The following ZNF222 variants were observed in gnomAD, a reference collection of about 807,000 sequenced individuals.
ZNF222 encodes the protein zinc finger protein 222.
ZNF222 carries 8 observed loss-of-function variants against 11.6 expected under a neutral mutation model. That is an observed-to-expected ratio of 0.69 (90% CI 0.41 to 1.25). The LOEUF (loss-of-function observed/expected upper bound fraction) is 1.25. ZNF222 is among the 50% of genes most tolerant of loss of function. ZNF222 has a pLI of 0.01. For missense variants in ZNF222, 483 were observed against 576.1 expected, an observed-to-expected ratio of 0.84 and a Z score of 1.65; for synonymous variants, 171 against 195.6, an observed-to-expected ratio of 0.87 and a Z score of 1.05.
intron 1 of ZNF222, chr19:44,026,087 G>A (rs1231950490): frequency 3.7e-6 from 6 of 1,613,524 alleles, no homozygotes; most frequent in Admixed American, 3.3e-5. Context: ...AAAGCTCTAC[G>A]TGAGTGATCC....
At chr19:44,028,988 C>T (rs1976436897) in intron 3 of ZNF222, among the ~76,000 whole-genome samples, 1 of 152,134 alleles carries the variant, frequency 6.6e-6, no homozygotes, top group Admixed American at 6.5e-5. Flanking sequence ...ACACCAAACG[C>T]AATGCCTACC....
chr19:44,027,886 G>C (rs187478041), intron 3 of ZNF222, among the ~76,000 whole-genome samples: 1 of 152,144 alleles, frequency 6.6e-6, no homozygotes, highest in African/African-American at 2.4e-5. Flanking sequence ...TCCTGCCAAG[G>C]ACATTGTATT....
At chr19:44,031,460 CGTTT>C (rs1312114512) in intron 3 of ZNF222, among the ~76,000 whole-genome samples, 2 of 151,834 alleles carry the variant, frequency 1.3e-5, no homozygotes, top group South Asian at 2.1e-4. Flanking sequence ...TGTTTTTGTT[CGTTT>C]GTTTGTTTCT....
intron 3 of ZNF222, among the ~76,000 whole-genome samples, chr19:44,027,837 A>G (rs1443130310): frequency 6.6e-6 from 1 of 151,878 alleles, no homozygotes; most frequent in Non-Finnish European, 1.5e-5. Flanking sequence ...CCCTTGCTCC[A>G]TCTTTTCCAG....
At position 44,027,405 on chromosome 19, in the gene ZNF222, A is replaced by G. The variant is rs990719846; in HGVS notation, c.177A>G (p.Gln59=). ...NFRNLLSVGH[Q]PFHGDTFHFL... is the part of the protein sequence containing the mutation. ...GACTTTGCCTGTTCACAGGGCATCAACCATTCCATGGAGATACTTTCCACT... is the reference window on the plus strand; with the variant it reads ...GACTTTGCCTGTTCACAGGGCATCAGCCATTCCATGGAGATACTTTCCACT... Residue 59 remains glutamine (Q), a synonymous_variant, in exon 3 of 4, where the codon CAA becomes CAG. Transcript: ENST00000391960. 3 of 1,614,134 alleles carry G rather than the reference A, an allele frequency of 1.9e-6. No individual in the cohort carries two copies. In the East Asian group the frequency reaches 6.7e-5, roughly 36 times the overall value.
At position 44,027,144 on chromosome 19, in the gene ZNF222, CAGTG is replaced by C; in HGVS notation, c.165_168del (p.Val56GlyfsTer13). ...CTTGAGAACTTCAGGAACCTGCTCT[CAGTG>C]GGTGAGGACGGGCACCCCCTGTAAT... On this transcript the variant is annotated frameshift_variant and splice_region_variant, in exon 2 of 4. Transcript: ENST00000391960. LOFTEE classifies it high-confidence loss of function. 6.2e-7 allele frequency: 1 copy of C among 1,614,012 alleles called. No individual in the cohort carries two copies. Among genetic ancestry groups the C allele is most frequent in the South Asian group, 1.1e-5 (1 of 91,062 alleles).
At chr19:44,030,913 C>G (rs901646594) in intron 3 of ZNF222, 1 of 152,114 alleles carries the variant, frequency 6.6e-6, no homozygotes, top group African/African-American at 2.4e-5. Flanking sequence ...CAGTCACAAC[C>G]CTAAATAATA....
chr19:44,031,643 CGGCTAATTTTTGTG>C (rs1270091998), intron 3 of ZNF222, among the ~76,000 whole-genome samples, 160 bp from the exon 4 acceptor site: 7 of 149,460 alleles, frequency 4.7e-5, no homozygotes, highest in Non-Finnish European at 1.0e-4. Flanking sequence ...CCACCACACC[CGGCTAATTTTTGTG>C]TTTTTAGTAG....
chr19:44,031,179 C>T (rs1976494553), intron 3 of ZNF222: 1 of 152,208 alleles, frequency 6.6e-6, no homozygotes, highest in Non-Finnish European at 1.5e-5. Context: ...TTATAACTTA[C>T]CACACAAAAT....
chr19:44,025,494 G>A lies in ZNF222; in HGVS notation c.42+16G>A. 1 of 1,543,728 alleles carries A rather than the reference G, an allele frequency of 6.5e-7. No individual in the cohort carries two copies. The highest frequency in any genetic ancestry group is 8.7e-7 in the Non-Finnish European group (1 of 1,143,394). ...GAGAGCAGAGGTTTGGAGGGGCGCG[G>A]GCGGGGATTGCCGTTCCAGTCAGCT... On this transcript the variant is annotated intron_variant, in intron 1 of 3. Coordinates refer to ENST00000391960, the MANE Select transcript of ZNF222 (RefSeq NM_001129996.2). The surrounding 1 kb of genome is among the most constrained non-coding windows in gnomAD (Gnocchi z 4.6).
chr19:44,032,972 G>A lies in ZNF222; in HGVS notation c.1418G>A (p.Arg473His), dbSNP rs117318348. 3.7e-5 allele frequency: 59 copies of A among 1,575,396 alleles called. No homozygotes were observed. In the East Asian group the frequency reaches 1.1e-3, roughly 30 times the overall value. ...TCCAAATGTGAGGACTGTGGGAAGC[G>A]CTACAAGAGGCGCTTGAATCTGGAT... ...NPSKCEDCGKRYKRRLNLDII... is the reference protein window; with the variant it reads ...NPSKCEDCGKHYKRRLNLDII... The change falls in exon 4 of 4, where the codon CGC (arginine) becomes CAC (histidine). Residue 473 changes from arginine to histidine, a missense_variant. Arg to His is a conservative substitution (Grantham distance 29). Transcript: ENST00000391960.
chr19:44,031,709 C>A, intron 3 of ZNF222, 108 bp from the exon 4 acceptor site: 1 of 1,259,380 alleles, frequency 7.9e-7, no homozygotes, highest in Non-Finnish European at 1.1e-6. Flanking sequence ...TCTCAAACTC[C>A]TGACCTCACA....
In ZNF222 at chr19:44,032,963, G is replaced by C; in HGVS notation, c.1409G>C (p.Cys470Ser). 1 of 1,587,630 alleles carries C rather than the reference G, an allele frequency of 6.3e-7. No homozygotes were observed. ...SGENPSKCED[C>S]GKRYKRRLNL... ...GAAAACCCATCCAAATGTGAGGACT[G>C]TGGGAAGCGCTACAAGAGGCGCTTG... The change falls in exon 4 of 4, where the codon TGT becomes TCT. Residue 470 changes from cysteine (C) to serine (S), a missense_variant. Coordinates refer to ENST00000391960, the MANE Select transcript of ZNF222 (RefSeq NM_001129996.2).
chr19:44,031,728 G>T (rs560060470), intron 3 of ZNF222, 89 bp from the exon 4 acceptor site: 3 of 1,430,162 alleles, frequency 2.1e-6, no homozygotes, highest in Non-Finnish European at 2.9e-6. Context: ...CAGTCCACCC[G>T]CCTCGGCCTC....
rs758377515 is a variant in ZNF222, at chr19:44,032,254, G to A, written c.700G>A (p.Val234Ile). Reference protein sequence around the residue: ...QSSRLQTHQRVHTGEKPFKCE... With the variant: ...QSSRLQTHQRIHTGEKPFKCE... ...CTCACGTCTGCAAACTCATCAAAGA[G>A]TCCACACTGGAGAGAAACCATTCAA... Residue 234 changes from valine to isoleucine, a missense_variant, in exon 4 of 4, where the codon GTC becomes ATC. Coordinates refer to ENST00000391960, the MANE Select transcript of ZNF222 (RefSeq NM_001129996.2). The A allele has an allele frequency of 4.3e-6, 7 of 1,614,086 alleles. No homozygotes were observed. The highest frequency in any genetic ancestry group is 1.1e-5 in the South Asian group (1 of 91,084).
chr19:44,029,191 G>GTTTTTTTTTTTTTTTTTTTT (rs1171435860), intron 3 of ZNF222, among the ~76,000 whole-genome samples: 1 of 62,038 alleles, frequency 1.6e-5, no homozygotes, highest in Non-Finnish European at 2.8e-5. Flanking sequence ...GTTTTGTTTT[G>GTTTTTTTTTTTTTTTTTTTT]TTTTTTTTTT....
Position 44,031,911 on chromosome 19 carries a change from C to T in ZNF222, c.357C>T (p.Asp119=). ...CKQIWEQIAS[D]LTRSQDTTIS... ...AAATTTGGGAACAAATTGCAAGTGA[C>T]TTAACCAGGTCTCAAGATACCACCA... The change falls in exon 4 of 4, where the codon GAC becomes GAT. Residue 119 remains aspartate (D), a synonymous_variant. Transcript: ENST00000391960. 1 of 1,614,222 alleles carries T rather than the reference C, an allele frequency of 6.2e-7. No individual in the cohort carries two copies. Among genetic ancestry groups the T allele is most frequent in the Non-Finnish European group, 8.5e-7 (1 of 1,180,040 alleles).
At chr19:44,028,422 T>C (rs1976426648) in intron 3 of ZNF222, 1 of 394,156 alleles carries the variant, frequency 2.5e-6, no homozygotes. Flanking sequence ...CCTCACTTGC[T>C]CTTCTCTCTG....
chr19:44,026,023 C>T (rs1256489908), intron 1 of ZNF222: 5 of 1,609,612 alleles, frequency 3.1e-6, no homozygotes, highest in Non-Finnish European at 4.2e-6. Flanking sequence ...TCTTTTTCCC[C>T]AGCCCGACCT....
Sources: gnomAD v4.1 joint callset for allele counts (sites outside exome capture counted in the v4.1 genomes callset) on GRCh38, gnomAD v4.1.1 for gene constraint, Gnocchi (gnomAD v3.1) non-coding constraint, MANE v1.5 for transcripts, NCBI Gene and HGNC (gene_info 2026-07-23, HGNC 2026-07-21) for gene names.